Variants in ANKFN1 observed in about 807,000 individuals in gnomAD.
The protein encoded by ANKFN1 is ankyrin repeat and fibronectin type-III domain-containing protein 1.
In ANKFN1, 74 loss-of-function variants were observed where a neutral mutation model predicts 108.7. The observed-to-expected ratio is 0.68, with a 90% CI of 0.56 to 0.83. ANKFN1 has a LOEUF of 0.83. ANKFN1 is among the 40% of genes least tolerant of loss of function. The pLI, the probability that ANKFN1 is intolerant of heterozygous loss-of-function variation, is 0.00. For synonymous variants in ANKFN1, 547 were observed against 516.2 expected, an observed-to-expected ratio of 1.06 and a Z score of -0.81; for missense variants, 1,505 against 1,382.3, an observed-to-expected ratio of 1.09 and a Z score of -1.41.
At chr17:56,052,227 G>C (rs1382695320) in intron 4 of ANKFN1, among the ~76,000 whole-genome samples, 3 of 152,172 alleles carry the variant, frequency 2.0e-5, no homozygotes, top group Admixed American at 1.3e-4. Context: ...CAGAGATATA[G>C]ATAAATGATT....
chr17:56,474,550 T>C (rs2050435740), intron 15 of ANKFN1, among the ~76,000 whole-genome samples: 1 of 152,122 alleles, frequency 6.6e-6, no homozygotes, highest in South Asian at 2.1e-4. Flanking sequence ...TTTCTCCCCT[T>C]CCTGTTTCAA....
chr17:56,497,873 T>C (rs1372855), intron 19 of ANKFN1, among the ~76,000 whole-genome samples: 113,020 of 151,916 alleles, frequency 0.74, 42,280 homozygotes, highest in East Asian at 0.96. Context: ...GAAAGCCTAC[T>C]ACAAATTCCA....
chr17:56,113,893 G>A (rs1906115667), intron 4 of ANKFN1, among the ~76,000 whole-genome samples: 1 of 152,118 alleles, frequency 6.6e-6, no homozygotes, highest in Admixed American at 6.6e-5. Context: ...ATCCTTTGTA[G>A]AGCAGAGTCC....
At chr17:56,085,167 T>C (rs1243431727) in intron 4 of ANKFN1, among the ~76,000 whole-genome samples, 1 of 123,362 alleles carries the variant, frequency 8.1e-6, no homozygotes, top group Non-Finnish European at 1.7e-5. Context: ...TGGTTAAATG[T>C]TGCCCTCCAA....
chr17:56,130,267 G>T (rs187868195), intron 4 of ANKFN1, among the ~76,000 whole-genome samples: 1 of 152,152 alleles, frequency 6.6e-6, no homozygotes. Context: ...GCAGGCCCTC[G>T]CTGGCAGTTT....
At chr17:56,245,018 G>A (rs896254487) in intron 3 of ANKFN1, among the ~76,000 whole-genome samples, 4 of 152,122 alleles carry the variant, frequency 2.6e-5, no homozygotes, top group Middle Eastern at 3.4e-3. Context: ...TTACTTGTCT[G>A]TAGCCCCTTG....
intron 14 of ANKFN1, among the ~76,000 whole-genome samples, chr17:56,462,435 A>G (rs539910296): frequency 5.3e-5 from 8 of 152,262 alleles, no homozygotes; most frequent in Admixed American, 2.0e-4. Context: ...TCTCTACTAA[A>G]AATACAAAAT....
intron 16 of ANKFN1, among the ~76,000 whole-genome samples, chr17:56,478,260 G>C (rs531150155): frequency 6.6e-6 from 1 of 152,258 alleles, no homozygotes; most frequent in African/African-American, 2.4e-5. Flanking sequence ...ATGTTCAATC[G>C]GTTAATGAAC....
At chr17:56,235,811 T>G (rs1188008862) in intron 3 of ANKFN1, among the ~76,000 whole-genome samples, 1 of 152,198 alleles carries the variant, frequency 6.6e-6, no homozygotes, top group Non-Finnish European at 1.5e-5. Context: ...TTGTTCTTTC[T>G]GCTTAGGATT....
chr17:56,449,391 C>T (rs542627939), intron 11 of ANKFN1, among the ~76,000 whole-genome samples: 37 of 152,156 alleles, frequency 2.4e-4, no homozygotes, highest in African/African-American at 8.0e-4. Flanking sequence ...CTTTCCCTCT[C>T]CCTCTCTCCA....
At chr17:56,332,941 A>G (rs1336724367) in intron 4 of ANKFN1, among the ~76,000 whole-genome samples, 1 of 150,986 alleles carries the variant, frequency 6.6e-6, no homozygotes, top group African/African-American at 2.4e-5. Context: ...AACAATACCT[A>G]TTCTTCCAAT....
At chr17:56,107,998 A>T (rs899634052) in intron 4 of ANKFN1, among the ~76,000 whole-genome samples, 1 of 151,914 alleles carries the variant, frequency 6.6e-6, no homozygotes, top group African/African-American at 2.4e-5. Context: ...AGTGGCTGGG[A>T]CTACATGCAT....
At chr17:56,254,938 C>T (rs945909277) in intron 3 of ANKFN1, among the ~76,000 whole-genome samples, 1 of 152,212 alleles carries the variant, frequency 6.6e-6, no homozygotes, top group Non-Finnish European at 1.5e-5. Context: ...CCTTTCTGCA[C>T]ATCCTGCCTC....
intron 19 of ANKFN1, among the ~76,000 whole-genome samples, chr17:56,493,947 A>G (rs965342898): frequency 6.6e-6 from 1 of 152,200 alleles, no homozygotes; most frequent in African/African-American, 2.4e-5. Flanking sequence ...AATAGGGATG[A>G]TAATAATAGG....
At chr17:56,053,613 A>G (rs1904815611) in intron 4 of ANKFN1, among the ~76,000 whole-genome samples, 1 of 152,208 alleles carries the variant, frequency 6.6e-6, no homozygotes, top group Admixed American at 6.5e-5. Flanking sequence ...TGCAAAAAAC[A>G]TGGGAGTGCA....
At chr17:56,394,603 A>G (rs2047526240) in intron 8 of ANKFN1, among the ~76,000 whole-genome samples, 1 of 151,990 alleles carries the variant, frequency 6.6e-6, no homozygotes, top group African/African-American at 2.4e-5. Flanking sequence ...GGACTGAACA[A>G]ATGGCATCAC....
At chr17:56,495,759 A>G (rs558240842) in intron 19 of ANKFN1, among the ~76,000 whole-genome samples, 1 of 152,284 alleles carries the variant, frequency 6.6e-6, no homozygotes, top group East Asian at 1.9e-4. Flanking sequence ...AAATGCTCCT[A>G]AGCTGTAATA....
intron 4 of ANKFN1, among the ~76,000 whole-genome samples, chr17:56,144,436 A>T (rs886250855): frequency 9.2e-5 from 14 of 152,206 alleles, no homozygotes; most frequent in African/African-American, 3.4e-4. Flanking sequence ...GTACTTTGGC[A>T]TGCATCCAAC....
intron 8 of ANKFN1, among the ~76,000 whole-genome samples, chr17:56,401,351 GTAT>G (rs2047756111): frequency 2.9e-5 from 2 of 69,164 alleles, no homozygotes; most frequent in African/African-American, 4.0e-5. Flanking sequence ...GTATTGTATT[GTAT>G]TGTATTGTAT....
Sources: gnomAD v4.1 joint callset for allele counts (sites outside exome capture counted in the v4.1 genomes callset) on GRCh38, gnomAD v4.1.1 for gene constraint, MANE v1.5 for transcripts, NCBI Gene and HGNC (gene_info 2026-07-23, HGNC 2026-07-21) for gene names.